The following FOXN1 variants were observed in gnomAD, a reference collection of about 807,000 sequenced individuals.
The protein encoded by FOXN1 is forkhead box N1, also known as forkhead box protein N1.
Under a neutral mutation model 49.0 loss-of-function variants are expected in FOXN1, and 15 were observed. That is an observed-to-expected ratio of 0.31 (90% CI 0.20 to 0.47). FOXN1 has a LOEUF of 0.47. Among genes scored for constraint, FOXN1 ranks in the 20% least tolerant of loss-of-function variants. FOXN1 has a pLI of 1.00. For missense variants in FOXN1, 800 were observed against 842.8 expected, an observed-to-expected ratio of 0.95 and a Z score of 0.63; for synonymous variants, 356 against 369.0, an observed-to-expected ratio of 0.96 and a Z score of 0.40.
At chr17:28,535,396 G>T (rs950033664) in intron 8 of FOXN1, among the ~76,000 whole-genome samples, 198 bp downstream of exon 8, 1 of 152,202 alleles carries the variant, frequency 6.6e-6, no homozygotes, top group Non-Finnish European at 1.5e-5. Flanking sequence ...AAAGAGGGAT[G>T]TCCTTGCCCC....
chr17:28,527,693 A>T (rs767997107), intron 4 of FOXN1, among the ~76,000 whole-genome samples: 1 of 152,206 alleles, frequency 6.6e-6, no homozygotes, highest in African/African-American at 2.4e-5. Flanking sequence ...AGAGAGGGGC[A>T]AAGAGGAGTG....
chr17:28,512,812 G>C (rs1235829001), intron 1 of FOXN1, among the ~76,000 whole-genome samples: 4 of 152,162 alleles, frequency 2.6e-5, no homozygotes, highest in Non-Finnish European at 5.9e-5. Flanking sequence ...GAGGGTGGAG[G>C]AGGCAGACCA....
chr17:28,513,709 G>A (rs564104113), intron 1 of FOXN1, among the ~76,000 whole-genome samples: 12 of 152,352 alleles, frequency 7.9e-5, no homozygotes, highest in African/African-American at 2.4e-4. Flanking sequence ...ATACCTCGAT[G>A]GAGGCTCCTG....
At chr17:28,509,236 A>C (rs2069334352) in intron 1 of FOXN1, among the ~76,000 whole-genome samples, 2 of 149,544 alleles carry the variant, frequency 1.3e-5, no homozygotes, top group Non-Finnish European at 1.5e-5. Context: ...CTCATCCCTG[A>C]CCCTTCCACC....
At chr17:28,531,515 A>G (rs1227086228) in intron 6 of FOXN1, among the ~76,000 whole-genome samples, 4 of 152,156 alleles carry the variant, frequency 2.6e-5, no homozygotes, top group African/African-American at 9.7e-5. Flanking sequence ...GGACAAACAC[A>G]TCAGACAGGG....
rs565781236 is a variant in FOXN1 at position 28,527,358 on chromosome 17, C to T, written c.696C>T (p.His232=). 3 of 1,599,080 alleles carry T rather than the reference C, an allele frequency of 1.9e-6. No homozygotes were observed. The highest frequency in any genetic ancestry group is 2.7e-5 in the African/African-American group (2 of 74,728). The change falls in exon 4 of 9, where the codon CAC becomes CAT. Residue 232 remains histidine, a synonymous_variant. Coordinates refer to ENST00000579795, the MANE Select transcript of FOXN1 (RefSeq NM_001369369.1). The stretch of plus-strand genomic sequence containing the variant: ...ACTGCTCCTCCCAGCCCCCCTTCCA[C>T]CAGGTGGGTCTGGGGCAAGTGGGCC... The part of the protein sequence containing the change: ...HMYCSSQPPF[H]QYSPGGGSYP...
intron 1 of FOXN1, among the ~76,000 whole-genome samples, chr17:28,507,728 TC>T (rs2069294535): frequency 6.6e-6 from 1 of 152,160 alleles, no homozygotes; most frequent in South Asian, 2.1e-4. Flanking sequence ...TGCACTGCAG[TC>T]CTGTCCCCAC....
rs150532897 is a variant in FOXN1 at position 28,514,320 on chromosome 17, C to T, written c.-15+7877C>T. Among the ~76,000 whole-genome samples the T allele has an allele frequency of 4.2e-4, 64 of 152,266 alleles. No individual in the cohort carries two copies. In the East Asian group the frequency reaches 0.012, roughly 29 times the overall value. ...TGTTCTCCCCACTCCCCTCCCTGCC[C>T]ATTCTGTCCCTACCTGCTCTGTACT... On this transcript the variant is annotated intron_variant, in intron 1 of 8. Transcript: ENST00000579795.
rs1026597581 is a variant in FOXN1 at position 28,524,720 on chromosome 17, G to A, written c.341G>A (p.Arg114Gln). The change falls in exon 3 of 9, where the codon CGA becomes CAA. Residue 114 changes from arginine (R) to glutamine (Q), a missense_variant. Physicochemically the swap from Arg to Gln is conservative, Grantham distance 43. Coordinates refer to ENST00000579795, the MANE Select transcript of FOXN1 (RefSeq NM_001369369.1). ...FEEAAASSPG[R>Q]FLKGSHAPFH... ...GAGGCCGCAGCAAGCAGCCCTGGGC[G>A]ATTCCTCAAGGGCAGCCACGCGCCC... The A allele has an allele frequency of 5.0e-6, 8 of 1,612,356 alleles. No homozygotes were observed. Among genetic ancestry groups the A allele is most frequent in the African/African-American group, 2.7e-5 (2 of 74,888 alleles).
Position 28,524,655 on chromosome 17 carries a change from G to A in FOXN1, c.276G>A (p.Arg92=), listed in dbSNP as rs1192725463. The A allele has an allele frequency of 1.2e-6, 2 of 1,613,684 alleles. No homozygotes were observed. Among genetic ancestry groups the A allele is most frequent in the South Asian group, 1.1e-5 (1 of 91,078 alleles). The part of the protein sequence containing the change: ...CPAGPGPGPF[R]LSPSDKYPGF... ...CCGGCCCCGGCCCTGGGCCCTTCAGGCTCTCACCCTCAGACAAGTATCCTG... is the reference window on the plus strand; with the variant it reads ...CCGGCCCCGGCCCTGGGCCCTTCAGACTCTCACCCTCAGACAAGTATCCTG... Residue 92 remains arginine (R), a synonymous_variant, in exon 3 of 9, where the codon AGG becomes AGA. Coordinates refer to ENST00000579795, the MANE Select transcript of FOXN1 (RefSeq NM_001369369.1).
intron 4 of FOXN1, 58 bp downstream of exon 4, chr17:28,527,419 A>T (rs2069798940): frequency 1.0e-6 from 1 of 973,584 alleles, no homozygotes; most frequent in Non-Finnish European, 1.6e-6. Context: ...GTGTGTGTGT[A>T]TGTGGTGTGT....
intron 6 of FOXN1, 40 bp downstream of exon 6, chr17:28,530,885 C>A (rs2151493780): frequency 1.8e-6 from 2 of 1,119,674 alleles, no homozygotes; most frequent in South Asian, 1.2e-5. Flanking sequence ...ACCCCCAAGT[C>A]CTGGACAGGC....
intron 4 of FOXN1, among the ~76,000 whole-genome samples, chr17:28,528,341 G>T (rs1258437384): frequency 6.6e-6 from 1 of 152,204 alleles, no homozygotes; most frequent in African/African-American, 2.4e-5. Context: ...CAGGGACAGA[G>T]ATTGAGCCAC....
Position 28,524,555 on chromosome 17 carries a change from G to C in FOXN1, c.176G>C (p.Arg59Thr), listed in dbSNP as rs2069718766. The stretch of plus-strand genomic sequence containing the variant: ...TTTGTGTCCGACGGCCCTCCAGAGA[G>C]GACACCCTCACTGCCCCCACACAGC... ...SSFVSDGPPERTPSLPPHSPR... is the reference protein window; with the variant it reads ...SSFVSDGPPETTPSLPPHSPR... The change falls in exon 3 of 9, where the codon AGG becomes ACG. Residue 59 changes from arginine (R) to threonine (T), a missense_variant. Arg to Thr is a moderately conservative substitution (Grantham distance 71). Coordinates refer to ENST00000579795, the MANE Select transcript of FOXN1 (RefSeq NM_001369369.1). 2 of 1,613,588 alleles carry C rather than the reference G, an allele frequency of 1.2e-6. No individual in the cohort carries two copies. Among genetic ancestry groups the C allele is most frequent in the South Asian group, 2.2e-5 (2 of 91,088 alleles).
At chr17:28,507,811 C>T (rs973394627) in intron 1 of FOXN1, among the ~76,000 whole-genome samples, 2 of 152,186 alleles carry the variant, frequency 1.3e-5, no homozygotes, top group African/African-American at 4.8e-5. Flanking sequence ...ACAAGGGCAC[C>T]CCGAGTGGAT....
chr17:28,531,730 G>A (rs748772663), intron 6 of FOXN1, among the ~76,000 whole-genome samples: 1 of 152,154 alleles, frequency 6.6e-6, no homozygotes, highest in Admixed American at 6.5e-5. Context: ...TGTCACCCAG[G>A]CAGTGGGCAG....
chr17:28,530,405 T>C (rs1163151359), intron 5 of FOXN1, among the ~76,000 whole-genome samples: 7 of 152,180 alleles, frequency 4.6e-5, no homozygotes, highest in Non-Finnish European at 1.0e-4. Context: ...ATGAGTGCCT[T>C]CTATGTGACA....
chr17:28,517,618 C>A (rs75916904), intron 1 of FOXN1, among the ~76,000 whole-genome samples: 1 of 123,096 alleles, frequency 8.1e-6, no homozygotes, highest in Admixed American at 7.7e-5. Flanking sequence ...ATCCATACCT[C>A]CACAGGGTAC....
intron 5 of FOXN1, 21 bp from the exon 6 acceptor site, chr17:28,530,728 A>C: frequency 6.8e-7 from 1 of 1,463,364 alleles, no homozygotes; most frequent in Non-Finnish European, 9.6e-7. Flanking sequence ...TCGGACTCTC[A>C]GGGGCTTTCT....
Sources: gnomAD v4.1 joint callset for allele counts (sites outside exome capture counted in the v4.1 genomes callset) on GRCh38, gnomAD v4.1.1 for gene constraint, MANE v1.5 for transcripts, NCBI Gene and HGNC (gene_info 2026-07-23, HGNC 2026-07-21) for gene names.